Variants in CA9 observed in about 807,000 individuals in gnomAD.
CA9 encodes the protein CA-IX.
A neutral mutation model predicts 51.8 loss-of-function variants in CA9; 43 were observed. That is an observed-to-expected ratio of 0.83 (90% CI 0.65 to 1.07). CA9 has a LOEUF of 1.07. CA9 is among the 50% of genes least tolerant of loss of function. The probability of loss-of-function intolerance (pLI) is 0.00; values close to 1 mark genes in which losing one functional copy is unlikely to be tolerated. For synonymous variants in CA9, 253 were observed against 244.2 expected (o/e 1.04, Z -0.34); for missense variants, 574 against 581.4 (o/e 0.99, Z 0.13).
intron 1 of CA9, chr9:35,674,679 T>G: frequency 4.1e-6 from 1 of 242,604 alleles, no homozygotes; most frequent in Admixed American, 5.0e-5. Context: ...AAAAAATAGG[T>G]GGAGAAGGAG....
chr9:35,675,700 C>G, intron 2 of CA9, 61 bp from the exon 3 acceptor site: 1 of 1,477,196 alleles, frequency 6.8e-7, no homozygotes, highest in Admixed American at 1.7e-5. Flanking sequence ...CCTTTTCTAC[C>G]CGGGTTCCCT....
Position 35,681,071 on chromosome 9 carries a change from G to C in CA9, c.*46G>C, listed in dbSNP as rs184019948. ...TGAGAAGCCAGCCAGAGGCATCTGA[G>C]GGGGAGCCGGTAACTGTCCTGTCCT... On this transcript the variant is annotated 3_prime_UTR_variant, in exon 11 of 11. Transcript: ENST00000378357. The C allele has an allele frequency of 9.0e-6, 14 of 1,559,226 alleles. No homozygotes were observed. The highest frequency in any genetic ancestry group is 5.4e-5 in the African/African-American group (4 of 73,700).
chr9:35,678,048 G>A (rs1168743126), intron 6 of CA9, among the ~76,000 whole-genome samples, 192 bp downstream of exon 6: 3 of 152,118 alleles, frequency 2.0e-5, no homozygotes, highest in African/African-American at 7.2e-5. Flanking sequence ...CCTACAGATT[G>A]AAAACCAAGC....
In CA9 at chr9:35,680,803, G is replaced by A. The variant is rs760776598; in HGVS notation, c.1288G>A (p.Ala430Thr). 19 of 1,614,230 alleles carry A rather than the reference G, an allele frequency of 1.2e-5. No homozygotes were observed. The highest frequency in any genetic ancestry group is 3.3e-4 in the Middle Eastern group (2 of 6,062). Residue 430 changes from alanine (A) to threonine (T), a missense_variant, in exon 10 of 11, where the codon GCG becomes ACG. Physicochemically the swap from Ala to Thr is moderately conservative, Grantham distance 58. Coordinates refer to ENST00000378357, the MANE Select transcript of CA9 (RefSeq NM_001216.3). ...FGLLFAVTSV[A>T]FLVQMRRQHR... ...CCTCCTTTTTGCTGTCACCAGCGTC[G>A]CGTTCCTTGTGCAGATGAGAAGGCA...
Position 35,673,991 on chromosome 9 carries a change from C to T in CA9, c.32C>T (p.Pro11Leu). The change falls in exon 1 of 11, where the codon CCT becomes CTT. Residue 11 changes from proline to leucine, a missense_variant. Transcript: ENST00000378357. The stretch of plus-strand genomic sequence containing the variant: ...CCCCTGTGCCCCAGCCCCTGGCTCC[C>T]TCTGTTGATCCCGGCCCCTGCTCCA... MAPLCPSPWL[P>L]LLIPAPAPGL... is the part of the protein sequence containing the mutation. The T allele has an allele frequency of 5.0e-6, 8 of 1,610,080 alleles. No individual in the cohort carries two copies. The highest frequency in any genetic ancestry group is 6.8e-6 in the Non-Finnish European group (8 of 1,177,760).
chr9:35,675,730 C>T, intron 2 of CA9, 31 bp from the exon 3 acceptor site: 1 of 1,538,646 alleles, frequency 6.5e-7, no homozygotes, highest in Non-Finnish European at 8.8e-7. Context: ...ACCTAGGCGT[C>T]AGACTTCCTC....
At chr9:35,674,899 G>A (rs1259938247) in intron 1 of CA9, 1 of 159,082 alleles carries the variant, frequency 6.3e-6, no homozygotes, top group African/African-American at 2.4e-5. Flanking sequence ...ACCATACAAG[G>A]CAGAGGGATG....
In CA9 at chr9:35,679,126, C is replaced by A. The variant is rs1824480596; in HGVS notation, c.908-59C>A. On this transcript the variant is annotated intron_variant, in intron 6 of 10. Coordinates refer to ENST00000378357, the MANE Select transcript of CA9 (RefSeq NM_001216.3). ...TGGGAGGTGAAACTGTATCCCTATA[C>A]CCTGAAGCTTTAAGGGGGTGCAATG... is the stretch of plus-strand genomic sequence containing the variant. 3.1e-6 allele frequency: 5 copies of A among 1,590,482 alleles called. No homozygotes were observed. In the East Asian group the frequency reaches 8.9e-5, roughly 28 times the overall value.
chr9:35,676,058 A>G lies in CA9; in HGVS notation c.605-6A>G, dbSNP rs1587944627. On this transcript the variant is annotated splice_region_variant and splice_polypyrimidine_tract_variant and intron_variant, in intron 3 of 10. Transcript: ENST00000378357. ...GGGGCCGGCTCACTTGCCTCTCCCT[A>G]CGCAGTGCAACTGACCCTGCCTCCT... The G allele has an allele frequency of 2.5e-6, 4 of 1,612,702 alleles. No homozygotes were observed. Among genetic ancestry groups the G allele is most frequent in the Admixed American group, 1.7e-5 (1 of 59,918 alleles).
chr9:35,675,663 C>G (rs995204108), intron 2 of CA9, 96 bp downstream of exon 2: 1 of 1,414,336 alleles, frequency 7.1e-7, no homozygotes, highest in African/African-American at 1.4e-5. Context: ...GGGCGTCCCA[C>G]CCGCCGCCCA....
chr9:35,678,690 C>A (rs371797050), intron 6 of CA9, among the ~76,000 whole-genome samples: 4 of 144,198 alleles, frequency 2.8e-5, no homozygotes, highest in African/African-American at 7.7e-5. Context: ...ATCATTTTTT[C>A]TTTTCTTTTC....
chr9:35,679,070 A>G, intron 6 of CA9, 115 bp from the exon 7 acceptor site: 2 of 1,096,950 alleles, frequency 1.8e-6, no homozygotes. Context: ...TTAGCGAAGA[A>G]GTGGTCTCAG....
chr9:35,675,911 T>C lies in CA9; in HGVS notation c.584T>C (p.Leu195Pro), dbSNP rs1317102276. The C allele has an allele frequency of 1.2e-6, 2 of 1,607,874 alleles. No individual in the cohort carries two copies. The highest frequency in any genetic ancestry group is 1.7e-6 in the Non-Finnish European group (2 of 1,178,302). The change falls in exon 3 of 11, where the codon CTG (leucine) becomes CCG (proline). Residue 195 changes from leucine to proline, a missense_variant. Transcript: ENST00000378357. ...FQLPPLPELR[L>P]RNNGHSVQLT... is the part of the protein sequence containing the mutation. Reference sequence around the variant, plus strand: ...CTCCCGCCGCTCCCAGAACTGCGCCTGCGCAACAATGGCCACAGTGGTGAG... The same window carrying C: ...CTCCCGCCGCTCCCAGAACTGCGCCCGCGCAACAATGGCCACAGTGGTGAG...
At chr9:35,677,244 T>C (rs1181081259) in intron 5 of CA9, among the ~76,000 whole-genome samples, 1 of 152,182 alleles carries the variant, frequency 6.6e-6, no homozygotes, top group African/African-American at 2.4e-5. Context: ...ACTCTTAGGT[T>C]CATAATGTTC....
chr9:35,679,205 G>C lies in CA9; in HGVS notation c.928G>C (p.Gly310Arg). ...AEEGSETQVP[G>R]LDISALLPSD... ...CACAGGCTCAGAGACTCAGGTCCCA[G>C]GACTGGACATATCTGCACTCCTGCC... The change falls in exon 7 of 11, where the codon GGA becomes CGA. Residue 310 changes from glycine (G) to arginine (R), a missense_variant. Gly to Arg is a moderately radical substitution (Grantham distance 125). Coordinates refer to ENST00000378357, the MANE Select transcript of CA9 (RefSeq NM_001216.3). 1.2e-6 allele frequency: 2 copies of C among 1,614,122 alleles called. No homozygotes were observed. Among genetic ancestry groups the C allele is most frequent in the African/African-American group, 2.7e-5 (2 of 75,014 alleles).
chr9:35,676,234 C>T, intron 4 of CA9, 28 bp downstream of exon 4: 13 of 1,612,656 alleles, frequency 8.1e-6, no homozygotes, highest in Non-Finnish European at 1.1e-5. Context: ...CGAGAAGGGG[C>T]AAAGGAGCGG....
Position 35,681,010 on chromosome 9 carries a change from C to CGA in CA9, c.1368_1369dup (p.Thr457ArgfsTer?). 1 of 1,613,726 alleles carries CGA rather than the reference C, an allele frequency of 6.2e-7. No individual in the cohort carries two copies. The highest frequency in any genetic ancestry group is 8.5e-7 in the Non-Finnish European group (1 of 1,179,942). ...TGAGCTACCGCCCAGCAGAGGTAGCCGAGACTGGAGCCTAGAGGCTGGATC... is the reference window on the plus strand; with the variant it reads ...TGAGCTACCGCCCAGCAGAGGTAGCCGAGAGACTGGAGCCTAGAGGCTGGATC... On this transcript the variant is annotated frameshift_variant, in exon 11 of 11. Coordinates refer to ENST00000378357, the MANE Select transcript of CA9 (RefSeq NM_001216.3). LOFTEE classifies it high-confidence loss of function.
chr9:35,675,107 C>CAGCCTCT (rs1274169392), intron 1 of CA9: 1 of 169,764 alleles, frequency 5.9e-6, no homozygotes, highest in African/African-American at 2.4e-5. Flanking sequence ...TCTCCTGCCT[C>CAGCCTCT]AGCCTCTAGC....
intron 5 of CA9, among the ~76,000 whole-genome samples, chr9:35,677,367 G>A (rs1824444825): frequency 1.3e-5 from 2 of 152,210 alleles, no homozygotes; most frequent in Non-Finnish European, 1.5e-5. Context: ...GAATGCAGAG[G>A]TGACACCAAC....
Sources: allele counts gnomAD v4.1 joint callset (sites outside exome capture counted in the v4.1 genomes callset), GRCh38; gene constraint gnomAD v4.1.1; transcripts MANE v1.5; gene names NCBI Gene and HGNC (gene_info 2026-07-23, HGNC 2026-07-21).